TSEN2: variants seen among roughly 807,000 people sequenced by gnomAD.
The protein encoded by TSEN2 is tRNA splicing endonuclease subunit 2, also known as tRNA-splicing endonuclease subunit Sen2.
In TSEN2, 54 loss-of-function variants were observed where a neutral mutation model predicts 59.2. That is an observed-to-expected ratio of 0.91 (90% CI 0.73 to 1.14). The LOEUF (loss-of-function observed/expected upper bound fraction) is 1.14, where lower values mean the gene tolerates loss of function less well. TSEN2 is among the 50% of genes most tolerant of loss of function. The pLI, the probability that TSEN2 is intolerant of heterozygous loss-of-function variation, is 0.00. For synonymous variants in TSEN2, 195 were observed against 198.2 expected, an observed-to-expected ratio of 0.98 and a Z score of 0.14; for missense variants, 636 against 576.2, an observed-to-expected ratio of 1.10 and a Z score of -1.06.
At chr3:12,488,324 C>T (rs988119894) in intron 1 of TSEN2, among the ~76,000 whole-genome samples, 6 of 152,244 alleles carry the variant, frequency 3.9e-5, no homozygotes, top group African/African-American at 1.2e-4. Context: ...ATGATTTGGC[C>T]GCACTGTATC....
At chr3:12,512,684 A>G (rs1465602638) in intron 6 of TSEN2, among the ~76,000 whole-genome samples, 2 of 152,278 alleles carry the variant, frequency 1.3e-5, no homozygotes, top group African/African-American at 4.8e-5. Flanking sequence ...GCCACATGGC[A>G]TATTCCACAT....
intron 8 of TSEN2, among the ~76,000 whole-genome samples, chr3:12,524,424 G>T (rs1053262231): frequency 1.3e-5 from 2 of 152,196 alleles, no homozygotes; most frequent in South Asian, 2.1e-4. Context: ...CTCTGGGAGA[G>T]AATCCATTCC....
Position 12,492,203 on chromosome 3 carries a change from T to C in TSEN2, c.257T>C (p.Val86Ala), listed in dbSNP as rs2053285225. Reference sequence around the variant, plus strand: ...TTCACAATTTCAGATCCTAAACTGGTTGCTAAATGGAAAGGTAAAGTTGTT... The same window carrying C: ...TTCACAATTTCAGATCCTAAACTGGCTGCTAAATGGAAAGGTAAAGTTGTT... ...PSFTISDPKL[V>A]AKWKDMKTNM... The change falls in exon 3 of 12, where the codon GTT becomes GCT. Residue 86 changes from valine to alanine, a missense_variant. Coordinates refer to ENST00000284995, the MANE Select transcript of TSEN2 (RefSeq NM_025265.4). 1.2e-6 allele frequency: 2 copies of C among 1,613,754 alleles called. No individual in the cohort carries two copies. Among genetic ancestry groups the C allele is most frequent in the African/African-American group, 2.7e-5 (2 of 74,928 alleles).
At chr3:12,508,742 A>G (rs1243850384) in intron 6 of TSEN2, among the ~76,000 whole-genome samples, 3 of 152,164 alleles carry the variant, frequency 2.0e-5, no homozygotes, top group Admixed American at 1.3e-4. Context: ...TATAAACTGT[A>G]TTTACCTCAG....
At chr3:12,493,493 C>T (rs2053436691) in intron 3 of TSEN2, among the ~76,000 whole-genome samples, 1 of 152,196 alleles carries the variant, frequency 6.6e-6, no homozygotes, top group South Asian at 2.1e-4. Flanking sequence ...CTTTGGGAGG[C>T]CGAGGCGGGC....
intron 8 of TSEN2, among the ~76,000 whole-genome samples, chr3:12,525,685 T>G (rs1286090063): frequency 6.6e-6 from 1 of 152,190 alleles, no homozygotes; most frequent in East Asian, 1.9e-4. Flanking sequence ...GCCTCCTAAG[T>G]AGGTGGGACT....
At chr3:12,529,032 G>A (rs1186424066) in intron 9 of TSEN2, 108 bp downstream of exon 9, 5 of 1,116,540 alleles carry the variant, frequency 4.5e-6, no homozygotes, top group African/African-American at 3.1e-5. Flanking sequence ...GTTCTTCCTG[G>A]CCTGATACGA....
chr3:12,537,461 A>G (rs1172305052), downstream of TSEN2, among the ~76,000 whole-genome samples: 4 of 152,328 alleles, frequency 2.6e-5, no homozygotes, highest in Non-Finnish European at 4.4e-5. Context: ...AGCATGAAAT[A>G]GGCATTTCTT....
chr3:12,510,560 G>A (rs964213663), intron 6 of TSEN2, among the ~76,000 whole-genome samples: 35 of 152,174 alleles, frequency 2.3e-4, no homozygotes, highest in African/African-American at 8.2e-4. Context: ...AGCTCTCCTC[G>A]TGCCTGACAG....
chr3:12,527,582 G>A (rs1373674814), intron 8 of TSEN2, among the ~76,000 whole-genome samples: 2 of 151,818 alleles, frequency 1.3e-5, no homozygotes, highest in African/African-American at 2.4e-5. Context: ...TTAGCACAGA[G>A]GACAGCTAAC....
Position 12,503,432 on chromosome 3 carries a change from A to T in TSEN2, c.479A>T (p.Asn160Ile). The T allele has an allele frequency of 6.2e-7, 1 of 1,614,250 alleles. No individual in the cohort carries two copies. Among genetic ancestry groups the T allele is most frequent in the Non-Finnish European group, 8.5e-7 (1 of 1,180,050 alleles). ...HDKLNSGMVSNMEGTAGGERP... is the reference protein window; with the variant it reads ...HDKLNSGMVSIMEGTAGGERP... ...AAGCTTAACTCTGGAATGGTTTCCAACATGGAAGGCACAGCAGGGGGAGAG... is the reference window on the plus strand; with the variant it reads ...AAGCTTAACTCTGGAATGGTTTCCATCATGGAAGGCACAGCAGGGGGAGAG... The change falls in exon 5 of 12, where the codon AAC becomes ATC. Residue 160 changes from asparagine (N) to isoleucine (I), a missense_variant. Transcript: ENST00000284995.
intron 3 of TSEN2, among the ~76,000 whole-genome samples, chr3:12,495,567 T>G (rs2053663995): frequency 6.6e-6 from 1 of 152,210 alleles, no homozygotes; most frequent in Non-Finnish European, 1.5e-5. Context: ...TTGTTCAACC[T>G]AATCGGATAG....
At chr3:12,492,366 TCAAAG>T in intron 3 of TSEN2, 149 bp downstream of exon 3, 1 of 677,600 alleles carries the variant, frequency 1.5e-6, no homozygotes, top group East Asian at 2.7e-5. Context: ...ATAATTCTAA[TCAAAG>T]CAAAAGGGTT....
rs769122669 is a variant in TSEN2, at chr3:12,503,657, A to C, written c.704A>C (p.His235Pro). The change falls in exon 5 of 12, where the codon CAT (histidine) becomes CCT (proline). Residue 235 changes from histidine to proline, a missense_variant. Physicochemically the swap from His to Pro is moderately conservative, Grantham distance 77. Coordinates refer to ENST00000284995, the MANE Select transcript of TSEN2 (RefSeq NM_025265.4). ...GCTCTCATCCTCCAGCGTGGCCTTC[A>C]TCATGAAGACGGCAGCCAGCACATC... ...QDALILQRGL[H>P]HEDGSQHIGL... 2 of 1,605,466 alleles carry C rather than the reference A, an allele frequency of 1.2e-6. No homozygotes were observed. Among genetic ancestry groups the C allele is most frequent in the Non-Finnish European group, 1.7e-6 (2 of 1,175,740 alleles).
downstream of TSEN2, among the ~76,000 whole-genome samples, chr3:12,535,367 G>C (rs894948180): frequency 6.6e-5 from 10 of 152,222 alleles, no homozygotes; most frequent in African/African-American, 2.4e-4. Flanking sequence ...GTGAAATATA[G>C]GGATGCCTTT....
At chr3:12,491,521 C>A (rs1263282766) in intron 2 of TSEN2, among the ~76,000 whole-genome samples, 1 of 152,154 alleles carries the variant, frequency 6.6e-6, no homozygotes, top group Non-Finnish European at 1.5e-5. Flanking sequence ...TGTTCCCGAA[C>A]CATATGTAGA....
chr3:12,507,160 T>C (rs995566127), intron 6 of TSEN2, among the ~76,000 whole-genome samples: 4 of 152,066 alleles, frequency 2.6e-5, no homozygotes, highest in African/African-American at 9.7e-5. Context: ...ACCACTGCAC[T>C]CCAGCCTAGG....
downstream of TSEN2, among the ~76,000 whole-genome samples, chr3:12,534,831 T>A (rs772493076): frequency 6.9e-6 from 1 of 144,982 alleles, no homozygotes. Context: ...AAAGATTAGC[T>A]GGGTGTGGTG....
intron 5 of TSEN2, among the ~76,000 whole-genome samples, chr3:12,504,806 G>C (rs1277015060): frequency 6.6e-6 from 1 of 152,076 alleles, no homozygotes; most frequent in Middle Eastern, 3.2e-3. Context: ...GTTGCTTGAG[G>C]CCAGGAGTTC....
Sources: allele counts gnomAD v4.1 joint callset (sites outside exome capture counted in the v4.1 genomes callset), GRCh38; gene constraint gnomAD v4.1.1; transcripts MANE v1.5; gene names NCBI Gene and HGNC (gene_info 2026-07-23, HGNC 2026-07-21).